Variants in LDLRAD3 observed in about 807,000 individuals in gnomAD.
The protein encoded by LDLRAD3 is low-density lipoprotein receptor class A domain-containing protein 3.
A neutral mutation model predicts 29.4 loss-of-function variants in LDLRAD3; 20 were observed. The ratio of observed to expected loss-of-function variants is 0.68; its 90% CI spans 0.48 to 0.99. LDLRAD3 has a LOEUF of 0.99. Ranked by LOEUF, LDLRAD3 falls within the 50% of genes least tolerant of loss-of-function variation. The probability of loss-of-function intolerance (pLI) is 0.00; values close to 1 mark genes in which losing one functional copy is unlikely to be tolerated. For missense variants in LDLRAD3, 420 were observed against 454.3 expected, an observed-to-expected ratio of 0.92 and a Z score of 0.69; for synonymous variants, 157 against 192.7, an observed-to-expected ratio of 0.81 and a Z score of 1.53.
chr11:36,055,578 A>G (rs1277476995), intron 2 of LDLRAD3, among the ~76,000 whole-genome samples: 4 of 152,230 alleles, frequency 2.6e-5, no homozygotes, highest in Non-Finnish European at 4.4e-5. Flanking sequence ...AGATGGCACT[A>G]TCGGCCCAGA....
Position 35,972,538 on chromosome 11 carries a change from G to A in LDLRAD3, c.46+28394G>A, listed in dbSNP as rs896233426. The A allele has an allele frequency of 6.6e-5, 10 of 152,240 alleles. No homozygotes were observed. The Middle Eastern group carries it at 0.014, about 207-fold the overall frequency. 9.4% of individuals were successfully genotyped at this position (152,240 alleles called of 1,614,324 possible). A position where few individuals can be genotyped will look rare whatever the true frequency, so the allele number is the denominator to read the frequency against. ...TGGTTACCCATTCTCCAGCCCAGAGGAAACCAGCCCTCAGATTCTTGTGTG... is the reference window on the plus strand; with the variant it reads ...TGGTTACCCATTCTCCAGCCCAGAGAAAACCAGCCCTCAGATTCTTGTGTG... On this transcript the variant is annotated intron_variant, in intron 1 of 5. Transcript: ENST00000315571.
intron 1 of LDLRAD3, among the ~76,000 whole-genome samples, chr11:35,984,678 C>T (rs1851585886): frequency 6.6e-6 from 1 of 152,226 alleles, no homozygotes; most frequent in Admixed American, 6.5e-5. Flanking sequence ...GTTGCCCAGG[C>T]TGGAGTGCAA....
In LDLRAD3 at chr11:36,056,257, T is replaced by C. The variant is rs191166792; in HGVS notation, c.193+20008T>C. ...ATCCACCCGCCGCGGCCTCCCAAAG[T>C]GCTGGGTTTACAGGTGTGAGCCACC... On this transcript the variant is annotated intron_variant, in intron 2 of 5. Transcript: ENST00000315571. Among the ~76,000 whole-genome samples, 288 of 152,246 alleles carry C rather than the reference T, an allele frequency of 1.9e-3. 2 individuals are homozygous for C. The highest frequency in any genetic ancestry group is 6.5e-3 in the African/African-American group (272 of 41,554).
intron 1 of LDLRAD3, among the ~76,000 whole-genome samples, chr11:35,977,441 G>A (rs377305230): frequency 6.6e-6 from 1 of 152,130 alleles, no homozygotes. Context: ...TAATGGGGCC[G>A]GGAGGAGTGT....
At chr11:35,957,159 G>T (rs539893543) in intron 1 of LDLRAD3, among the ~76,000 whole-genome samples, 2 of 152,300 alleles carry the variant, frequency 1.3e-5, no homozygotes, top group South Asian at 4.1e-4. Flanking sequence ...ACCACCTAAA[G>T]ATTTTTAACA....
intron 4 of LDLRAD3, among the ~76,000 whole-genome samples, chr11:36,130,617 G>A (rs1394356344): frequency 6.6e-6 from 1 of 152,172 alleles, no homozygotes; most frequent in Non-Finnish European, 1.5e-5. Flanking sequence ...AGCCCCTCCA[G>A]CTCCCCTGTT....
rs961691250 is a variant in LDLRAD3 at position 36,081,687 on chromosome 11, C to T, written c.228C>T (p.Phe76=). The T allele has an allele frequency of 3.1e-6, 5 of 1,614,206 alleles. No homozygotes were observed. Among genetic ancestry groups the T allele is most frequent in the Admixed American group, 1.7e-5 (1 of 60,030 alleles). Residue 76 remains phenylalanine (F), a synonymous_variant, in exon 3 of 6, where the codon TTC becomes TTT. Transcript: ENST00000315571. ...KAKSKCGPTF[F]PCASGIHCII... ...AGTCGAAATGTGGCCCAACCTTCTT[C>T]CCCTGTGCCAGCGGCATCCATTGCA... is the stretch of plus-strand genomic sequence containing the variant.
intron 4 of LDLRAD3, among the ~76,000 whole-genome samples, chr11:36,103,525 C>T (rs971745630): frequency 5.9e-5 from 9 of 152,178 alleles, no homozygotes; most frequent in African/African-American, 1.4e-4. Context: ...AGGCGTGAGC[C>T]ACCGTGCCTG....
At chr11:35,997,172 A>G in intron 1 of LDLRAD3, 1 of 267,890 alleles carries the variant, frequency 3.7e-6, no homozygotes, top group Non-Finnish European at 7.2e-6. Flanking sequence ...CCTTTATTGA[A>G]ATGTTTTCCT....
intron 2 of LDLRAD3, among the ~76,000 whole-genome samples, chr11:36,077,775 C>T (rs1853039587): frequency 6.6e-6 from 1 of 152,180 alleles, no homozygotes; most frequent in Non-Finnish European, 1.5e-5. Flanking sequence ...GGTCTGGGCT[C>T]CCCAAAGGGC....
At chr11:35,975,500 A>G (rs1188732811) in intron 1 of LDLRAD3, among the ~76,000 whole-genome samples, 1 of 152,116 alleles carries the variant, frequency 6.6e-6, no homozygotes. Context: ...TTTTCCCCAC[A>G]TTTCCTTAAG....
chr11:36,041,800 T>C (rs1852385079), intron 2 of LDLRAD3, among the ~76,000 whole-genome samples: 2 of 152,206 alleles, frequency 1.3e-5, no homozygotes, highest in Admixed American at 6.5e-5. Context: ...ATTTTCTTCT[T>C]TGGAAAGTTA....
rs552500107 is a variant in LDLRAD3, at chr11:36,029,927, A to G, written c.47-6176A>G. Among the ~76,000 whole-genome samples, 81 of 152,304 alleles carry G rather than the reference A, an allele frequency of 5.3e-4. No homozygotes were observed. The Middle Eastern group carries it at 0.017, about 32-fold the overall frequency. ...AGTTGTTCCTGCTGCAGAATTGCAC[A>G]CCATCTTCTTTTAGGGTCATAGGCA... On this transcript the variant is annotated intron_variant, in intron 1 of 5. Coordinates refer to ENST00000315571, the MANE Select transcript of LDLRAD3 (RefSeq NM_174902.4).
chr11:36,101,462 G>A (rs1420283940), intron 4 of LDLRAD3, among the ~76,000 whole-genome samples: 1 of 152,138 alleles, frequency 6.6e-6, no homozygotes, highest in Admixed American at 6.5e-5. Context: ...TAAGTTATGT[G>A]AGTTCAGATA....
chr11:36,188,755 T>A (rs1482783949), intron 4 of LDLRAD3, among the ~76,000 whole-genome samples: 1 of 152,192 alleles, frequency 6.6e-6, no homozygotes, highest in Non-Finnish European at 1.5e-5. Flanking sequence ...GGTCCGTTTC[T>A]GAAAACAGGG....
intron 1 of LDLRAD3, among the ~76,000 whole-genome samples, chr11:36,007,031 A>G (rs775133842): frequency 6.6e-6 from 1 of 152,218 alleles, no homozygotes; most frequent in Non-Finnish European, 1.5e-5. Context: ...AGTGGGCCTC[A>G]GTGACTCTCT....
chr11:35,990,880 G>C (rs1851680704), intron 1 of LDLRAD3, among the ~76,000 whole-genome samples: 1 of 152,166 alleles, frequency 6.6e-6, no homozygotes, highest in African/African-American at 2.4e-5. Flanking sequence ...ACATTCAGAG[G>C]TATTGGAGGT....
intron 3 of LDLRAD3, among the ~76,000 whole-genome samples, chr11:36,096,392 G>A (rs1410190669): frequency 6.6e-6 from 1 of 152,044 alleles, no homozygotes; most frequent in Non-Finnish European, 1.5e-5. Context: ...TAGCAACATA[G>A]CAATCTTCTG....
intron 3 of LDLRAD3, among the ~76,000 whole-genome samples, chr11:36,089,891 C>A (rs1853254579): frequency 1.3e-5 from 2 of 151,806 alleles, no homozygotes; most frequent in Non-Finnish European, 2.9e-5. Flanking sequence ...GGACTACAGG[C>A]TTGAGCCATC....
Sources: allele counts gnomAD v4.1 joint callset (sites outside exome capture counted in the v4.1 genomes callset), GRCh38; gene constraint gnomAD v4.1.1; transcripts MANE v1.5; gene names NCBI Gene and HGNC (gene_info 2026-07-23, HGNC 2026-07-21).